DAG1: variants seen among roughly 807,000 people sequenced by gnomAD.
The protein encoded by DAG1 is dystroglycan 1, also known as dystroglycan 1 (dystrophin-associated glycoprotein 1).
Under a neutral mutation model 46.1 loss-of-function variants are expected in DAG1, and 8 were observed. The ratio of observed to expected loss-of-function variants is 0.17; its 90% CI spans 0.10 to 0.31. The LOEUF is 0.31. DAG1 is among the 10% of genes least tolerant of loss of function. The probability of loss-of-function intolerance (pLI) is 1.00; values close to 1 mark genes in which losing one functional copy is unlikely to be tolerated. For missense variants in DAG1, 1,003 were observed against 1,189.9 expected, an observed-to-expected ratio of 0.84 and a Z score of 2.31; for synonymous variants, 495 against 481.8, an observed-to-expected ratio of 1.03 and a Z score of -0.36.
intron 1 of DAG1, among the ~76,000 whole-genome samples, chr3:49,506,373 G>A (rs1396384641): frequency 1.3e-5 from 2 of 152,162 alleles, no homozygotes; most frequent in Non-Finnish European, 2.9e-5. Flanking sequence ...CCTTGTTTCT[G>A]TTCTTAAGGA....
At chr3:49,491,017 G>A (rs1414294689) in intron 1 of DAG1, among the ~76,000 whole-genome samples, 1 of 150,508 alleles carries the variant, frequency 6.6e-6, no homozygotes, top group African/African-American at 2.5e-5. Flanking sequence ...TCCCTGAGTA[G>A]CTGGGACTAC....
In DAG1 at chr3:49,533,650, G is replaced by T. The variant is rs1381036165; in HGVS notation, c.*451G>T. 1 of 309,198 alleles carries T rather than the reference G, an allele frequency of 3.2e-6. No individual in the cohort carries two copies. The allele number at this position is 309,198 out of a possible 1,614,324, so 19.2% of individuals were successfully genotyped here. A position where few individuals can be genotyped will look rare whatever the true frequency, so the allele number is the denominator to read the frequency against. On this transcript the variant is annotated 3_prime_UTR_variant, in exon 3 of 3. Coordinates refer to ENST00000308775, the MANE Select transcript of DAG1 (RefSeq NM_004393.6). ...TGTAACATGGAAAACAGTAACTAAA[G>T]ATTAAATTCAAAGGACTTTCAGAAG...
At chr3:49,469,586 G>C (rs1472829736), upstream of DAG1, among the ~76,000 whole-genome samples, 2 of 152,186 alleles carry the variant, frequency 1.3e-5, no homozygotes. Context: ...GTTCCAGGCA[G>C]GGGGAGGGGA....
intron 1 of DAG1, among the ~76,000 whole-genome samples, chr3:49,489,639 A>G (rs755150091): frequency 2.0e-5 from 3 of 152,226 alleles, no homozygotes; most frequent in Non-Finnish European, 4.4e-5. Flanking sequence ...TTAAGAAAAC[A>G]TAGCTCAATG....
chr3:49,511,834 G>C (rs2050768202), intron 2 of DAG1, among the ~76,000 whole-genome samples: 1 of 152,178 alleles, frequency 6.6e-6, no homozygotes, highest in Admixed American at 6.6e-5. Flanking sequence ...AATATTTTAG[G>C]CTTTGCAGGC....
At chr3:49,487,786 G>A (rs1263462591) in intron 1 of DAG1, among the ~76,000 whole-genome samples, 2 of 138,352 alleles carry the variant, frequency 1.4e-5, no homozygotes, top group Non-Finnish European at 3.0e-5. Context: ...TGCAACCTCC[G>A]CCTCCCGGGT....
chr3:49,492,454 C>CTGGGCAACGTGGTA (rs2050214220), intron 1 of DAG1, among the ~76,000 whole-genome samples: 1 of 152,024 alleles, frequency 6.6e-6, no homozygotes, highest in Non-Finnish European at 1.5e-5. Context: ...TGAGACCAGC[C>CTGGGCAACGTGGTA]TGGGCAACGT....
At position 49,510,683 on chromosome 3, in the gene DAG1, T is replaced by C. The variant is rs779921349; in HGVS notation, c.149T>C (p.Met50Thr). The C allele has an allele frequency of 6.2e-7, 1 of 1,614,160 alleles. No individual in the cohort carries two copies. Among genetic ancestry groups the C allele is most frequent in the Non-Finnish European group, 8.5e-7 (1 of 1,180,038 alleles). Reference sequence around the variant, plus strand: ...TGGGAAAACCAGCTTGAGGCATCCATGCACTCAGTGCTCTCAGACCTCCAC... The same window carrying C: ...TGGGAAAACCAGCTTGAGGCATCCACGCACTCAGTGCTCTCAGACCTCCAC... ...RDWENQLEAS[M>T]HSVLSDLHEA... Residue 50 changes from methionine to threonine, a missense_variant, in exon 2 of 3, where the codon ATG (methionine) becomes ACG (threonine). Coordinates refer to ENST00000308775, the MANE Select transcript of DAG1 (RefSeq NM_004393.6).
intron 1 of DAG1, among the ~76,000 whole-genome samples, chr3:49,495,868 C>G (rs1359637784): frequency 1.3e-5 from 2 of 151,708 alleles, no homozygotes; most frequent in Non-Finnish European, 2.9e-5. Context: ...TGCAGTGAGC[C>G]GAGATCGTGC....
chr3:49,472,520 C>T (rs558471140), intron 1 of DAG1, among the ~76,000 whole-genome samples: 1 of 152,196 alleles, frequency 6.6e-6, no homozygotes, highest in African/African-American at 2.4e-5. Context: ...TTATTAAAAA[C>T]TTTATCGCCG....
Position 49,510,449 on chromosome 3 carries a change from G to C in DAG1, c.-86G>C, listed in dbSNP as rs1041335608. ...GTGTGCTCCGGGATGGAGCAGGTGT[G>C]CAGAGGGTGAGAACCCAGCTCTGGG... On this transcript the variant is annotated 5_prime_UTR_variant, in exon 2 of 3. Coordinates refer to ENST00000308775, the MANE Select transcript of DAG1 (RefSeq NM_004393.6). 4 of 1,327,354 alleles carry C rather than the reference G, an allele frequency of 3.0e-6. No individual in the cohort carries two copies. The African/African-American group carries it at 5.8e-5, about 19-fold the overall frequency. 82.2% of individuals were successfully genotyped at this position (1,327,354 alleles called of 1,614,324 possible).
In DAG1 at chr3:49,532,992, C is replaced by G. The variant is rs1328445862; in HGVS notation, c.2481C>G (p.Pro827=). Residue 827 remains proline (P), a synonymous_variant, in exon 3 of 3, where the codon CCC becomes CCG. Transcript: ENST00000308775. The surrounding 1 kb of genome is among the most constrained non-coding windows in gnomAD (Gnocchi z 5.4). ...LILQEEKAPL[P]PPEYPNQSVP... ...TGCAGGAGGAGAAGGCTCCCCTACC[C>G]CCTCCTGAGTACCCCAACCAGAGTG... 2 of 1,614,120 alleles carry G rather than the reference C, an allele frequency of 1.2e-6. No homozygotes were observed. The highest frequency in any genetic ancestry group is 1.7e-5 in the Admixed American group (1 of 60,020).
chr3:49,521,913 G>T (rs1172581831), intron 2 of DAG1, among the ~76,000 whole-genome samples: 2 of 151,916 alleles, frequency 1.3e-5, no homozygotes, highest in Non-Finnish European at 2.9e-5. Context: ...GCGGTGGCAC[G>T]ATCTTGGCTC....
At chr3:49,484,883 G>A (rs1260982609) in intron 1 of DAG1, among the ~76,000 whole-genome samples, 1 of 150,572 alleles carries the variant, frequency 6.6e-6, no homozygotes, top group East Asian at 2.0e-4. Flanking sequence ...TGCAACCTCC[G>A]CCTCCCAGGT....
In DAG1 at chr3:49,510,760, C is replaced by T. The variant is rs772814756; in HGVS notation, c.226C>T (p.Arg76Cys). 1.4e-5 allele frequency: 23 copies of T among 1,614,156 alleles called. 1 individual carries two copies. Among genetic ancestry groups the T allele is most frequent in the East Asian group, 8.9e-5 (4 of 44,878 alleles). Residue 76 changes from arginine (R) to cysteine (C), a missense_variant, in exon 2 of 3, where the codon CGC (arginine) becomes TGC (cysteine). Arg to Cys is a radical substitution (Grantham distance 180). Coordinates refer to ENST00000308775, the MANE Select transcript of DAG1 (RefSeq NM_004393.6). ...GIPDGTAVVGRSFRVTIPTDL... is the reference protein window; with the variant it reads ...GIPDGTAVVGCSFRVTIPTDL... Reference sequence around the variant, plus strand: ...TCCTGATGGCACGGCTGTCGTCGGGCGCTCATTTCGAGTGACCATTCCAAC... The same window carrying T: ...TCCTGATGGCACGGCTGTCGTCGGGTGCTCATTTCGAGTGACCATTCCAAC...
At chr3:49,508,490 C>T (rs1160646869) in intron 1 of DAG1, among the ~76,000 whole-genome samples, 1 of 152,170 alleles carries the variant, frequency 6.6e-6, no homozygotes, top group Non-Finnish European at 1.5e-5. Context: ...CCTCTGCCTA[C>T]CAGGTTCAAG....
intron 1 of DAG1, among the ~76,000 whole-genome samples, chr3:49,491,328 T>C (rs1348936688): frequency 6.6e-6 from 1 of 151,404 alleles, no homozygotes; most frequent in African/African-American, 2.4e-5. Context: ...TTTTTTTTTT[T>C]TGAGACAGAG....
intron 2 of DAG1, among the ~76,000 whole-genome samples, chr3:49,515,849 A>G (rs981213292): frequency 6.6e-6 from 1 of 152,026 alleles, no homozygotes; most frequent in African/African-American, 2.4e-5. Flanking sequence ...TGACCTCTCA[A>G]TTTGTTCTCC....
rs201202889 is a variant in DAG1 at position 49,478,802 on chromosome 3, C to CTTTTTTTTTTTT, written c.-117+8386_-117+8397dup. Among the ~76,000 whole-genome samples, 367 of 76,000 alleles carry CTTTTTTTTTTTT rather than the reference C, an allele frequency of 4.8e-3. 21 individuals are homozygous for CTTTTTTTTTTTT. Among genetic ancestry groups the CTTTTTTTTTTTT allele is most frequent in the Middle Eastern group, 8.3e-3 (1 of 120 alleles). The allele number at this position is 76,000 out of a possible 152,430, so 49.9% of individuals were successfully genotyped here. ...TGAAAAGTCTCTTGTCGTCCCCTCC[C>CTTTTTTTTTTTT]TTTTTTTTTTTTTTTTTTTTTTTTT... On this transcript the variant is annotated intron_variant, in intron 1 of 2. Transcript: ENST00000308775.
Sources: gnomAD v4.1 joint callset for allele counts (sites outside exome capture counted in the v4.1 genomes callset) on GRCh38, gnomAD v4.1.1 for gene constraint, Gnocchi (gnomAD v3.1) non-coding constraint, MANE v1.5 for transcripts, NCBI Gene and HGNC (gene_info 2026-07-23, HGNC 2026-07-21) for gene names.